The following GALNTL6 variants were observed in gnomAD, a reference collection of about 807,000 sequenced individuals.
GALNTL6 encodes polypeptide N-acetylgalactosaminyltransferase-like 6.
In GALNTL6, 46 loss-of-function variants were observed where a neutral mutation model predicts 73.7. The observed-to-expected ratio is 0.62, with a 90% CI of 0.49 to 0.80. The LOEUF is 0.80. Among genes scored for constraint, GALNTL6 ranks in the 30% least tolerant of loss-of-function variants. The pLI, the probability that GALNTL6 is intolerant of heterozygous loss-of-function variation, is 0.00. For synonymous variants in GALNTL6, 259 were observed against 263.7 expected, an observed-to-expected ratio of 0.98 and a Z score of 0.17; for missense variants, 604 against 755.0, an observed-to-expected ratio of 0.80 and a Z score of 2.34.
intron 5 of GALNTL6, among the ~76,000 whole-genome samples, chr4:172,535,174 A>G (rs1349317261): frequency 2.6e-5 from 4 of 152,254 alleles, no homozygotes; most frequent in African/African-American, 9.6e-5. Context: ...AATAGACCTG[A>G]AACAATAGTA....
chr4:172,980,750 C>A (rs966446909), intron 10 of GALNTL6, among the ~76,000 whole-genome samples: 1 of 152,298 alleles, frequency 6.6e-6, no homozygotes, highest in Admixed American at 6.5e-5. Flanking sequence ...AAAGCCGTAT[C>A]TTCAAATACA....
At chr4:172,466,411 A>C (rs1475991624) in intron 5 of GALNTL6, among the ~76,000 whole-genome samples, 1 of 152,158 alleles carries the variant, frequency 6.6e-6, no homozygotes, top group South Asian at 2.1e-4. Flanking sequence ...GAAAAGAATA[A>C]ATTTTTTTAT....
At chr4:172,772,148 A>C (rs1758596055) in intron 5 of GALNTL6, among the ~76,000 whole-genome samples, 1 of 152,198 alleles carries the variant, frequency 6.6e-6, no homozygotes, top group African/African-American at 2.4e-5. Context: ...TGAGAAGAGC[A>C]TGGGAAAGAC....
intron 2 of GALNTL6, among the ~76,000 whole-genome samples, chr4:172,038,482 G>T (rs1041115805): frequency 6.6e-6 from 1 of 152,004 alleles, no homozygotes; most frequent in African/African-American, 2.4e-5. Context: ...CTATTGTTTC[G>T]TTAAATAATA....
intron 2 of GALNTL6, among the ~76,000 whole-genome samples, chr4:172,024,336 A>T (rs1741491576): frequency 6.6e-6 from 1 of 151,772 alleles, no homozygotes; most frequent in Non-Finnish European, 1.5e-5. Flanking sequence ...TATATACATA[A>T]TATATTCCCA....
chr4:172,749,097 T>G (rs1213672035), intron 5 of GALNTL6, among the ~76,000 whole-genome samples: 1 of 151,934 alleles, frequency 6.6e-6, no homozygotes, highest in Non-Finnish European at 1.5e-5. Context: ...TGTTTGTTTT[T>G]TTTTTGATAG....
intron 3 of GALNTL6, 28 bp from the exon 4 acceptor site, chr4:172,311,586 A>G: frequency 6.3e-7 from 1 of 1,581,740 alleles, no homozygotes; most frequent in Non-Finnish European, 8.6e-7. Context: ...TATAGAGATG[A>G]TAATCTCATT....
chr4:171,967,141 C>A (rs1739408506), intron 2 of GALNTL6, among the ~76,000 whole-genome samples: 1 of 152,144 alleles, frequency 6.6e-6, no homozygotes, highest in African/African-American at 2.4e-5. Flanking sequence ...TCTTTAAACA[C>A]TGGAAAGTTT....
At chr4:172,524,615 A>G (rs984443895) in intron 5 of GALNTL6, among the ~76,000 whole-genome samples, 6 of 152,216 alleles carry the variant, frequency 3.9e-5, no homozygotes, top group Non-Finnish European at 8.8e-5. Flanking sequence ...ACATACTCGT[A>G]TAAGTCTCAG....
intron 5 of GALNTL6, among the ~76,000 whole-genome samples, chr4:172,396,709 A>G (rs1743862018): frequency 6.6e-6 from 1 of 152,290 alleles, no homozygotes; most frequent in South Asian, 2.1e-4. Flanking sequence ...TGATGGAGAT[A>G]TATTGTCAGG....
At chr4:172,104,020 T>TGCAAGCTCC in intron 2 of GALNTL6, among the ~76,000 whole-genome samples, 1 of 151,790 alleles carries the variant, frequency 6.6e-6, no homozygotes, top group Non-Finnish European at 1.5e-5. Context: ...CTCCGCTCAC[T>TGCAAGCTCC]GCAAGCTCCG....
intron 5 of GALNTL6, among the ~76,000 whole-genome samples, chr4:172,608,744 A>G (rs1042581244): frequency 2.0e-5 from 3 of 152,086 alleles, no homozygotes; most frequent in Middle Eastern, 3.4e-3. Context: ...AGGCCATTTT[A>G]ATAATACTGA....
intron 2 of GALNTL6, among the ~76,000 whole-genome samples, chr4:171,835,601 T>A (rs1735077013): frequency 6.6e-6 from 1 of 151,996 alleles, no homozygotes; most frequent in Non-Finnish European, 1.5e-5. Context: ...TTTTTATTAT[T>A]TATGGATATA....
intron 2 of GALNTL6, among the ~76,000 whole-genome samples, chr4:172,225,911 A>T (rs1736849120): frequency 6.6e-6 from 1 of 152,218 alleles, no homozygotes. Flanking sequence ...ACCCTTTATT[A>T]AAGCAGTTTC....
intron 2 of GALNTL6, among the ~76,000 whole-genome samples, chr4:171,892,965 C>A (rs975469739): frequency 1.3e-5 from 2 of 152,204 alleles, no homozygotes; most frequent in East Asian, 3.9e-4. Flanking sequence ...ACCATATCTG[C>A]CCTGTTCATT....
chr4:171,855,771 G>C (rs1314942254), intron 2 of GALNTL6, among the ~76,000 whole-genome samples: 3 of 152,128 alleles, frequency 2.0e-5, no homozygotes, highest in African/African-American at 4.8e-5. Flanking sequence ...CTGGCATTTG[G>C]TGTTTGTCAG....
chr4:172,307,151 C>T (rs971768816), intron 3 of GALNTL6, among the ~76,000 whole-genome samples: 6 of 152,140 alleles, frequency 3.9e-5, no homozygotes, highest in Admixed American at 1.3e-4. Context: ...AAATTGTGGC[C>T]ATTCTCACAG....
intron 2 of GALNTL6, 44 bp downstream of exon 2, chr4:171,814,762 A>AGT (rs754472389): frequency 6.2e-7 from 1 of 1,603,066 alleles, no homozygotes; most frequent in South Asian, 1.1e-5. Context: ...TTGGTAAGGC[A>AGT]GTGATCCTCG....
intron 5 of GALNTL6, among the ~76,000 whole-genome samples, chr4:172,400,462 T>C (rs1344345333): frequency 6.6e-6 from 1 of 152,180 alleles, no homozygotes; most frequent in Non-Finnish European, 1.5e-5. Flanking sequence ...GAAATACTTG[T>C]GGTCTCACAG....
Sources: gnomAD v4.1 joint callset for allele counts (sites outside exome capture counted in the v4.1 genomes callset) on GRCh38, gnomAD v4.1.1 for gene constraint, MANE v1.5 for transcripts, NCBI Gene and HGNC (gene_info 2026-07-23, HGNC 2026-07-21) for gene names.